Variants in STRA6 observed in about 807,000 individuals in gnomAD.
STRA6 encodes the protein signaling receptor and transporter of retinol STRA6, also known as receptor for retinol uptake STRA6.
STRA6 carries 48 observed loss-of-function variants against 83.6 expected under a neutral mutation model. The observed-to-expected ratio is 0.57, with a 90% confidence interval of 0.46 to 0.73. The LOEUF (loss-of-function observed/expected upper bound fraction) is 0.73, where lower values mean the gene tolerates loss of function less well. Ranked by LOEUF, STRA6 falls within the 30% of genes least tolerant of loss-of-function variation. The pLI is 0.00. For missense variants in STRA6, 760 were observed against 838.8 expected (o/e 0.91, Z 1.16); for synonymous variants, 353 against 362.3 (o/e 0.97, Z 0.29).
At chr15:74,211,779 G>A (rs1408564772), upstream of STRA6, among the ~76,000 whole-genome samples, 1 of 151,846 alleles carries the variant, frequency 6.6e-6, no homozygotes, top group Non-Finnish European at 1.5e-5. Flanking sequence ...GCCTGTCCCT[G>A]GTATGCCACT....
At chr15:74,202,836 G>T (rs886051478), upstream of STRA6, 3 of 1,071,038 alleles carry the variant, frequency 2.8e-6, no homozygotes, top group Non-Finnish European at 3.4e-6. Context: ...CCCAGCCTCA[G>T]CCTGCCCCTT....
chr15:74,187,173 G>C (rs2073296157), intron 12 of STRA6, among the ~76,000 whole-genome samples: 1 of 152,190 alleles, frequency 6.6e-6, no homozygotes, highest in East Asian at 1.9e-4. Flanking sequence ...AGGGTTGAAG[G>C]GTTAGCAGCC....
exon 1 of STRA6, chr15:74,208,919 T>C: frequency 1.0e-6 from 1 of 993,596 alleles, no homozygotes; most frequent in Non-Finnish European, 1.2e-6. Context: ...GGCCTTCTCC[T>C]CTGAGCCCAG....
At chr15:74,192,234 G>A (rs187745390) in intron 8 of STRA6, among the ~76,000 whole-genome samples, 231 of 152,298 alleles carry the variant, frequency 1.5e-3, no homozygotes, top group African/African-American at 5.4e-3. Flanking sequence ...GAGAGAGATG[G>A]GGTGGTGGAA....
chr15:74,203,029 C>A (rs2074157840), upstream of STRA6: 2 of 986,030 alleles, frequency 2.0e-6, no homozygotes, highest in Non-Finnish European at 2.4e-6. Context: ...CCCCAGAGCT[C>A]CCAAGCCCCT....
At chr15:74,204,890 G>A (rs1168434433), upstream of STRA6, among the ~76,000 whole-genome samples, 12 of 152,128 alleles carry the variant, frequency 7.9e-5, no homozygotes, top group African/African-American at 2.4e-4. Flanking sequence ...AGCCAAGATC[G>A]TGCCACTGCA....
In STRA6 at chr15:74,180,179, G is replaced by C. The variant is rs2072905288; in HGVS notation, c.1905C>G (p.Gly635=). 6.2e-7 allele frequency: 1 copy of C among 1,613,872 alleles called. No individual in the cohort carries two copies. Among genetic ancestry groups the C allele is most frequent in the Admixed American group, 1.7e-5 (1 of 60,000 alleles). The change falls in exon 19 of 19, where the codon GGC becomes GGG. Residue 635 remains glycine, a synonymous_variant. Coordinates refer to ENST00000395105, the MANE Select transcript of STRA6 (RefSeq NM_022369.4). ...AKGARPGASR[G]RARWGLAYTL... ...TGTAGGCCAGACCCCAGCGAGCCCT[G>C]CCGCGGCTGGCCCCGGGCCTAGCTC...
At chr15:74,181,063 A>AG in intron 17 of STRA6, 126 bp from the exon 18 acceptor site, 1 of 1,436,304 alleles carries the variant, frequency 7.0e-7, no homozygotes. Flanking sequence ...TCGACACACC[A>AG]AGCACGTGGC....
chr15:74,197,924 C>G, intron 2 of STRA6, 106 bp from the exon 3 acceptor site: 2 of 1,175,136 alleles, frequency 1.7e-6, no homozygotes, highest in South Asian at 2.6e-5. Context: ...CCCACTACCT[C>G]CCTCAACCCT....
chr15:74,203,319 C>T, upstream of STRA6: 1 of 489,916 alleles, frequency 2.0e-6, no homozygotes, highest in Non-Finnish European at 2.7e-6. Flanking sequence ...GGAGCCCCGC[C>T]TGCCTCCTGC....
intron 11 of STRA6, among the ~76,000 whole-genome samples, chr15:74,190,631 C>T (rs2073482845): frequency 6.6e-6 from 1 of 152,122 alleles, no homozygotes; most frequent in Non-Finnish European, 1.5e-5. Flanking sequence ...ATGTGGCCTC[C>T]AAAATTAATG....
At chr15:74,211,270 G>GGAA (rs1489559966), upstream of STRA6, among the ~76,000 whole-genome samples, 2 of 152,052 alleles carry the variant, frequency 1.3e-5, no homozygotes, top group Non-Finnish European at 2.9e-5. Context: ...TGGGATTGAG[G>GGAA]GAAGGCCCCA....
intron 3 of STRA6, 92 bp downstream of exon 3, chr15:74,197,660 G>A (rs2073881241): frequency 6.6e-7 from 1 of 1,512,480 alleles, no homozygotes; most frequent in Non-Finnish European, 9.0e-7. Flanking sequence ...ATCTTCCAGG[G>A]CCCCCCTTCA....
chr15:74,191,067 A>C, intron 10 of STRA6, 100 bp downstream of exon 10: 3 of 1,569,688 alleles, frequency 1.9e-6, no homozygotes, highest in Non-Finnish European at 2.6e-6. Context: ...CTTGATGACA[A>C]GGATTCTGGG....
At chr15:74,189,573 A>C (rs2073430004) in intron 11 of STRA6, among the ~76,000 whole-genome samples, 1 of 152,236 alleles carries the variant, frequency 6.6e-6, no homozygotes, top group African/African-American at 2.4e-5. Context: ...AATCAAGCGC[A>C]GATCAAAAAT....
chr15:74,207,913 G>C (rs1057204051), intron 1 of STRA6: 20 of 1,480,014 alleles, frequency 1.4e-5, no homozygotes, highest in Admixed American at 2.1e-5. Flanking sequence ...CCGTGCTCAC[G>C]GCAGGAAGAG....
At chr15:74,209,226 C>A, upstream of STRA6, 3 of 1,103,816 alleles carry the variant, frequency 2.7e-6, no homozygotes, top group East Asian at 2.6e-5. Flanking sequence ...CCTCTCCACA[C>A]CCCCAAACCG....
upstream of STRA6, among the ~76,000 whole-genome samples, chr15:74,207,195 G>A (rs1166939914): frequency 6.6e-6 from 1 of 152,136 alleles, no homozygotes; most frequent in Non-Finnish European, 1.5e-5. Context: ...ATCCTCAAAG[G>A]GCAAAGTGCC....
At position 74,202,767 on chromosome 15, in the gene STRA6, A is replaced by G; in HGVS notation, c.-70T>C. On this transcript the variant is annotated 5_prime_UTR_variant, in exon 1 of 19. Transcript: ENST00000395105. ...GCAGAGATGAAAGGGTAGGCAGCCC[A>G]CGGCCAGCTCCGCACTGCCTGCCTG... The G allele has an allele frequency of 8.4e-7, 1 of 1,189,564 alleles. No homozygotes were observed. Among genetic ancestry groups the G allele is most frequent in the South Asian group, 3.7e-5 (1 of 27,224 alleles). 73.7% of individuals were successfully genotyped at this position (1,189,564 alleles called of 1,614,324 possible).
Sources: allele counts gnomAD v4.1 joint callset (sites outside exome capture counted in the v4.1 genomes callset), GRCh38; gene constraint gnomAD v4.1.1; transcripts MANE v1.5; gene names NCBI Gene and HGNC (gene_info 2026-07-23, HGNC 2026-07-21).